Variants in PNPLA7 observed in about 807,000 individuals in gnomAD.
PNPLA7 encodes the protein patatin like domain 7, lysophospholipase.
In PNPLA7, 153 loss-of-function variants were observed where a neutral mutation model predicts 161.7. The observed-to-expected ratio is 0.95, with a 90% CI of 0.83 to 1.08. The LOEUF (loss-of-function observed/expected upper bound fraction) is 1.08. PNPLA7 is among the 50% of genes least tolerant of loss of function. PNPLA7 has a pLI of 0.00. For missense variants in PNPLA7, 1,739 were observed against 1,856.6 expected, an observed-to-expected ratio of 0.94 and a Z score of 1.16; for synonymous variants, 809 against 782.1, an observed-to-expected ratio of 1.03 and a Z score of -0.57.
chr9:137,545,710 C>A (rs1309042559), intron 4 of PNPLA7, among the ~76,000 whole-genome samples: 1 of 152,148 alleles, frequency 6.6e-6, no homozygotes, highest in Non-Finnish European at 1.5e-5. Context: ...CTAGGAAAAA[C>A]CAGGCCATAC....
chr9:137,522,879 T>C, intron 8 of PNPLA7, 22 bp from the exon 9 acceptor site: 1 of 1,610,850 alleles, frequency 6.2e-7, no homozygotes, highest in Middle Eastern at 1.7e-4. Flanking sequence ...GCTCCATCAG[T>C]CCCCACTCTG....
chr9:137,498,163 C>G lies in PNPLA7; in HGVS notation c.1840G>C (p.Asp614His). Residue 614 changes from aspartate to histidine, a missense_variant, in exon 17 of 35, where the codon GAC becomes CAC. Asp to His is a moderately conservative substitution (Grantham distance 81). Around this residue, in one of 6 missense-constraint regions of PNPLA7, gnomAD observed 481 missense variants for 450.0 expected, o/e 1.07. Transcript: ENST00000406427. ...ACCTCCACCCAGTCCAGGGCAAAGT[C>G]GATTTGCCGCACGAAGGACGACATC... ...KRMSSFVRQI[D>H]FALDWVEVEA... The G allele has an allele frequency of 6.2e-7, 1 of 1,613,050 alleles. No homozygotes were observed. Among genetic ancestry groups the G allele is most frequent in the Non-Finnish European group, 8.5e-7 (1 of 1,179,998 alleles).
chr9:137,462,431 G>A lies in PNPLA7; in HGVS notation c.3493-100C>T, dbSNP rs547119915. 57 of 1,504,140 alleles carry A rather than the reference G, an allele frequency of 3.8e-5. No individual in the cohort carries two copies. The African/African-American group carries it at 7.5e-4, about 20-fold the overall frequency. The allele number at this position is 1,504,140 out of a possible 1,614,324, so 93.2% of individuals were successfully genotyped here. A position where few individuals can be genotyped will look rare whatever the true frequency, so the allele number is the denominator to read the frequency against. On this transcript the variant is annotated intron_variant, in intron 30 of 34. Transcript: ENST00000406427. Reference sequence around the variant, plus strand: ...AGGTTCTGGGGACCCATCCTCTGGGGTAGGTAGGTTCTGGGGGGAGAGGGT... The same window carrying A: ...AGGTTCTGGGGACCCATCCTCTGGGATAGGTAGGTTCTGGGGGGAGAGGGT...
intron 26 of PNPLA7, among the ~76,000 whole-genome samples, chr9:137,466,841 T>C (rs28540352): frequency 0.11 from 1,783 of 15,826 alleles, 9 homozygotes; most frequent in African/African-American, 0.26. Flanking sequence ...ACCGTCTCCA[T>C]CACCTCAGAC....
Position 137,537,125 on chromosome 9 carries a change from G to A in PNPLA7, c.747+3517C>T, listed in dbSNP as rs190482057. 6.6e-3 allele frequency among the ~76,000 whole-genome samples: 1,006 copies of A among 152,326 alleles called. 19 individuals are homozygous for A. In the South Asian group the frequency reaches 0.073, roughly 11 times the overall value. On this transcript the variant is annotated intron_variant, in intron 8 of 34. Transcript: ENST00000406427. The surrounding 1 kb of genome is among the most constrained non-coding windows in gnomAD (Gnocchi z 4.5). ...AAAGCTGCTCAGAAGGAACCGAAGC[G>A]TTTTCAGTGTGAGGGGACAGACGGC...
At position 137,550,298 on chromosome 9, in the gene PNPLA7, C is replaced by G; in HGVS notation, c.-101G>C. The G allele has an allele frequency of 7.6e-7, 1 of 1,314,214 alleles. No homozygotes were observed. Among genetic ancestry groups the G allele is most frequent in the South Asian group, 1.2e-5 (1 of 83,998 alleles). 81.4% of individuals were successfully genotyped at this position (1,314,214 alleles called of 1,614,324 possible). A position where few individuals can be genotyped will look rare whatever the true frequency, so the allele number is the denominator to read the frequency against. On this transcript the variant is annotated 5_prime_UTR_variant, in exon 1 of 35. Coordinates refer to ENST00000406427, the MANE Select transcript of PNPLA7 (RefSeq NM_001098537.3). ...CATGCTCACACCTGGACACTTTTCC[C>G]TGGGTTCCTTTCAAGTCAAATTATG...
intron 11 of PNPLA7, chr9:137,516,681 G>A (rs899984025): frequency 4.1e-6 from 1 of 244,674 alleles, no homozygotes; most frequent in Non-Finnish European, 6.5e-6. Flanking sequence ...AGCTGGGCCT[G>A]GTGGCATGCG....
rs1437483711 is a variant in PNPLA7 at position 137,524,625 on chromosome 9, A to G, written c.748-1768T>C. Among the ~76,000 whole-genome samples the G allele has an allele frequency of 1.3e-5, 2 of 152,250 alleles. No individual in the cohort carries two copies. Among genetic ancestry groups the G allele is most frequent in the African/African-American group, 4.8e-5 (2 of 41,472 alleles). On this transcript the variant is annotated intron_variant, in intron 8 of 34. Coordinates refer to ENST00000406427, the MANE Select transcript of PNPLA7 (RefSeq NM_001098537.3). The surrounding 1 kb of genome is among the most constrained non-coding windows in gnomAD (Gnocchi z 4.4). ...GTACGGAACACGTATCCTCACATTT[A>G]TAAGAAACTACCAAACTGTCTCCTA...
chr9:137,512,098 G>A (rs1014587154), intron 12 of PNPLA7, among the ~76,000 whole-genome samples: 6 of 152,148 alleles, frequency 3.9e-5, no homozygotes, highest in African/African-American at 1.2e-4. Flanking sequence ...TCTTAGTCTC[G>A]TGTCTTATTT....
Position 137,480,457 on chromosome 9 carries a change from C to T in PNPLA7, c.2435G>A (p.Ser812Asn), listed in dbSNP as rs1267867599. The T allele has an allele frequency of 6.2e-7, 1 of 1,611,638 alleles. No homozygotes were observed. Among genetic ancestry groups the T allele is most frequent in the African/African-American group, 1.3e-5 (1 of 74,878 alleles). Reference protein sequence around the residue: ...LDSVHEYRLSSWLGQQEDTHR... With the variant: ...LDSVHEYRLSNWLGQQEDTHR... ...GGTGTCCTCCTGCTGCCCCAGCCAG[C>T]TGGACAGCCGGTACTCGTGAACACT... is the stretch of plus-strand genomic sequence containing the variant. Residue 812 changes from serine (S) to asparagine (N), a missense_variant, in exon 23 of 35, where the codon AGC (serine) becomes AAC (asparagine). By Grantham distance (46) the Ser-to-Asn change is conservative. Coordinates refer to ENST00000406427, the MANE Select transcript of PNPLA7 (RefSeq NM_001098537.3).
intron 15 of PNPLA7, 151 bp from the exon 16 acceptor site, chr9:137,501,047 T>TTTCG: frequency 1.6e-6 from 1 of 634,246 alleles, no homozygotes; most frequent in Non-Finnish European, 2.6e-6. Flanking sequence ...CTGGAAACAT[T>TTTCG]TCGGCAGCGT....
rs1831424666 is a variant in PNPLA7 at position 137,465,556 on chromosome 9, A to C, written c.3040-1100T>G. 3.3e-5 allele frequency among the ~76,000 whole-genome samples: 5 copies of C among 152,284 alleles called. No individual in the cohort carries two copies. The South Asian group carries it at 1.0e-3, about 32-fold the overall frequency. ...CCCTGGGGCCGTCCTGCTGCATGCC[A>C]GTCCCCAAGCCCTCTTTTGAGCAGC... On this transcript the variant is annotated intron_variant, in intron 26 of 34. Coordinates refer to ENST00000406427, the MANE Select transcript of PNPLA7 (RefSeq NM_001098537.3).
At chr9:137,470,503 C>T (rs1312663028) in intron 25 of PNPLA7, among the ~76,000 whole-genome samples, 1 of 151,810 alleles carries the variant, frequency 6.6e-6, no homozygotes, top group Non-Finnish European at 1.5e-5. Context: ...CCACTGCACT[C>T]CAGCCTGGGC....
In PNPLA7 at chr9:137,550,236, A is replaced by G; in HGVS notation, c.-39T>C. 2.5e-6 allele frequency: 4 copies of G among 1,612,800 alleles called. No individual in the cohort carries two copies. Among genetic ancestry groups the G allele is most frequent in the Non-Finnish European group, 3.4e-6 (4 of 1,179,710 alleles). On this transcript the variant is annotated 5_prime_UTR_variant, in exon 1 of 35. Coordinates refer to ENST00000406427, the MANE Select transcript of PNPLA7 (RefSeq NM_001098537.3). ...AAAAACAGTCAGGGGCGAAAAGCAG[A>G]CAGCCTGAAGCAAACAAGGGCACAC...
At chr9:137,481,224 C>A (rs1479331775) in intron 21 of PNPLA7, among the ~76,000 whole-genome samples, 1 of 152,232 alleles carries the variant, frequency 6.6e-6, no homozygotes, top group African/African-American at 2.4e-5. Flanking sequence ...GCCTTCTTCA[C>A]CTGCCAGTGG....
Position 137,460,637 on chromosome 9 carries a change from G to C in PNPLA7, c.3942C>G (p.Asp1314Glu). The stretch of plus-strand genomic sequence containing the variant: ...GGGACCATGCCCAGCTCCTCACCAA[G>C]TCTGAGCCCTGCTGGGCTGAGGTGC... ...FQSTSAQQGS[D>E]LEDESSLRHR... Residue 1314 changes from aspartate (D) to glutamate (E), a missense_variant, in exon 34 of 35, where the codon GAC becomes GAG. Coordinates refer to ENST00000406427, the MANE Select transcript of PNPLA7 (RefSeq NM_001098537.3). The C allele has an allele frequency of 6.2e-7, 1 of 1,612,118 alleles. No homozygotes were observed. The highest frequency in any genetic ancestry group is 8.5e-7 in the Non-Finnish European group (1 of 1,179,554).
chr9:137,467,365 C>T lies in PNPLA7; in HGVS notation c.2991G>A (p.Glu997=). Residue 997 remains glutamate, a synonymous_variant, in exon 26 of 35, where the codon GAG becomes GAA. Coordinates refer to ENST00000406427, the MANE Select transcript of PNPLA7 (RefSeq NM_001098537.3). The surrounding 1 kb of genome is among the most constrained non-coding windows in gnomAD (Gnocchi z 5.1). The stretch of plus-strand genomic sequence containing the variant: ...TCCGCATCTGGCTGTAGTTCCGCTC[C>T]TCAGAGTACAGGGCACCCACGAAGG... The part of the protein sequence containing the change: ...IGAFVGALYS[E]ERNYSQMRIR... 6.2e-7 allele frequency: 1 copy of T among 1,613,632 alleles called. No individual in the cohort carries two copies.
At chr9:137,510,684 T>C (rs2132388077) in intron 12 of PNPLA7, among the ~76,000 whole-genome samples, 1 of 152,290 alleles carries the variant, frequency 6.6e-6, no homozygotes, top group South Asian at 2.1e-4. Context: ...TTTTCTCTTA[T>C]CTCTTTGTCT....
intron 12 of PNPLA7, among the ~76,000 whole-genome samples, chr9:137,510,560 C>G (rs1477324506): frequency 6.6e-6 from 1 of 152,228 alleles, no homozygotes; most frequent in Non-Finnish European, 1.5e-5. Flanking sequence ...ATGACTCACA[C>G]TCTTTACCCT....
Sources: allele counts gnomAD v4.1 joint callset (sites outside exome capture counted in the v4.1 genomes callset), GRCh38; gene constraint gnomAD v4.1.1; regional missense constraint gnomAD v4.1.1; non-coding constraint Gnocchi (gnomAD v3.1); transcripts MANE v1.5; gene names NCBI Gene and HGNC (gene_info 2026-07-23, HGNC 2026-07-21).